The following NDEL1 variants were observed in gnomAD, a reference collection of about 807,000 sequenced individuals.
NDEL1 encodes nudE neurodevelopment protein 1 like 1, also known as nuclear distribution protein nudE-like 1.
NDEL1 carries 9 observed loss-of-function variants against 45.7 expected under a neutral mutation model. The ratio of observed to expected loss-of-function variants is 0.20; its 90% CI spans 0.12 to 0.34. NDEL1 has a LOEUF of 0.34. Among genes scored for constraint, NDEL1 ranks in the 10% least tolerant of loss-of-function variants. NDEL1 has a pLI of 1.00. For missense variants in NDEL1, 306 were observed against 406.2 expected (o/e 0.75, Z 2.12); for synonymous variants, 133 against 158.6 (o/e 0.84, Z 1.21).
chr17:8,425,253 C>T (rs1414111909), intron 1 of NDEL1, among the ~76,000 whole-genome samples: 1 of 152,202 alleles, frequency 6.6e-6, no homozygotes, highest in Non-Finnish European at 1.5e-5. Context: ...TTGCTTGTTT[C>T]TAAAGGGAAG....
intron 1 of NDEL1, among the ~76,000 whole-genome samples, chr17:8,419,283 ATT>A (rs1156389555): frequency 6.6e-6 from 1 of 152,208 alleles, no homozygotes; most frequent in Non-Finnish European, 1.5e-5. Context: ...GCTATAGAAA[ATT>A]TGGAAAATAC....
At chr17:8,429,618 C>T (rs1471070945) in intron 1 of NDEL1, among the ~76,000 whole-genome samples, 2 of 152,038 alleles carry the variant, frequency 1.3e-5, no homozygotes, top group African/African-American at 2.4e-5. Context: ...CAAGATAGGC[C>T]CATAGAGGAA....
chr17:8,424,006 T>G (rs1908762740), intron 1 of NDEL1, among the ~76,000 whole-genome samples: 1 of 152,226 alleles, frequency 6.6e-6, no homozygotes, highest in African/African-American at 2.4e-5. Context: ...GATGCATCCT[T>G]ATTTTTTAAA....
Position 8,450,288 on chromosome 17 carries a change from CA to C in NDEL1, c.527-477del, listed in dbSNP as rs5819194. The stretch of plus-strand genomic sequence containing the variant: ...TGGGCGACAGAGTGAGACTCCGTCT[CA>C]AAAAAAAAAAAAAACGCTCAATATT... On this transcript the variant is annotated intron_variant, in intron 5 of 8. Transcript: ENST00000334527. 6.0e-3 allele frequency among the ~76,000 whole-genome samples: 690 copies of C among 115,668 alleles called. 4 individuals are homozygous for C. Among genetic ancestry groups the C allele is most frequent in the African/African-American group, 0.02 (615 of 30,988 alleles). 75.9% of individuals were successfully genotyped at this position (115,668 alleles called of 152,430 possible). A position where few individuals can be genotyped will look rare whatever the true frequency, so the allele number is the denominator to read the frequency against.
chr17:8,438,954 T>G (rs1392130062), intron 1 of NDEL1, among the ~76,000 whole-genome samples: 1 of 36,856 alleles, frequency 2.7e-5, no homozygotes, highest in African/African-American at 5.1e-5. Flanking sequence ...TTTTTTTTTT[T>G]GAAACGGAGT....
At chr17:8,430,015 G>GGT (rs1231054331) in intron 1 of NDEL1, among the ~76,000 whole-genome samples, 1 of 152,162 alleles carries the variant, frequency 6.6e-6, no homozygotes, top group Non-Finnish European at 1.5e-5. Flanking sequence ...TTTGGGCTTT[G>GGT]GTGACCACAT....
chr17:8,427,595 G>C (rs879782829), intron 1 of NDEL1, among the ~76,000 whole-genome samples: 8 of 152,030 alleles, frequency 5.3e-5, no homozygotes, highest in Non-Finnish European at 1.2e-4. Context: ...CCAGCTACTC[G>C]GGGGCGGGAG....
At chr17:8,440,133 T>C (rs995993732) in intron 1 of NDEL1, among the ~76,000 whole-genome samples, 7 of 152,190 alleles carry the variant, frequency 4.6e-5, no homozygotes, top group African/African-American at 1.2e-4. Context: ...GTTATAATAC[T>C]GTTAGAGGGG....
chr17:8,463,150 C>CT lies in NDEL1; in HGVS notation c.944+2998dup, dbSNP rs201858278. 9.1e-3 allele frequency: 4,792 copies of CT among 528,442 alleles called. 23 individuals are homozygous for CT. The highest frequency in any genetic ancestry group is 0.02 in the Middle Eastern group (38 of 1,930). The allele number at this position is 528,442 out of a possible 1,614,324, so 32.7% of individuals were successfully genotyped here. The stretch of plus-strand genomic sequence containing the variant: ...TCGCTTGGAGTCTCTCAAAAACACT[C>CT]TTTTTTTTCCCATAACTTTATGTAG... On this transcript the variant is annotated intron_variant, in intron 8 of 8. Transcript: ENST00000334527.
At chr17:8,450,998 G>C in intron 6 of NDEL1, 45 bp downstream of exon 6, 1 of 1,537,448 alleles carries the variant, frequency 6.5e-7, no homozygotes, top group South Asian at 1.3e-5. Flanking sequence ...TAGATGATCA[G>C]CTTACGGGGG....
chr17:8,440,988 A>G (rs1023552576), intron 1 of NDEL1, among the ~76,000 whole-genome samples: 1 of 152,248 alleles, frequency 6.6e-6, no homozygotes, highest in African/African-American at 2.4e-5. Flanking sequence ...AACACCTTCA[A>G]ATAAATGTTA....
upstream of NDEL1, among the ~76,000 whole-genome samples, chr17:8,432,367 T>TATATATTATATATAAATATATATATATAA (rs1909036698): frequency 1.7e-5 from 1 of 59,484 alleles, no homozygotes; most frequent in Non-Finnish European, 3.7e-5. Context: ...TAAATATATA[T>TATATATTATATATAAATATATATATATAA]ATATTTAATG....
At chr17:8,419,016 T>G (rs544855164) in intron 1 of NDEL1, among the ~76,000 whole-genome samples, 8 of 151,518 alleles carry the variant, frequency 5.3e-5, no homozygotes, top group African/African-American at 1.9e-4. Flanking sequence ...GCCTGGCTAT[T>G]TTTTTTTATT....
intron 1 of NDEL1, among the ~76,000 whole-genome samples, chr17:8,442,694 T>TG (rs2151712515): frequency 6.6e-6 from 1 of 151,942 alleles, no homozygotes; most frequent in African/African-American, 2.4e-5. Context: ...AAAAGATTTT[T>TG]TTTTTTTTTT....
intron 1 of NDEL1, among the ~76,000 whole-genome samples, chr17:8,417,992 C>T (rs1358649247): frequency 6.6e-6 from 1 of 152,144 alleles, no homozygotes; most frequent in East Asian, 1.9e-4. Flanking sequence ...GTTTTTAGCC[C>T]CACCCTACCT....
intron 8 of NDEL1, chr17:8,463,060 T>C: frequency 3.2e-6 from 1 of 312,792 alleles, no homozygotes; most frequent in Non-Finnish European, 5.9e-6. Flanking sequence ...CCGAGCTGTT[T>C]CCTTCAACCA....
chr17:8,472,238 G>A (rs1286097856), downstream of NDEL1, among the ~76,000 whole-genome samples: 1 of 152,180 alleles, frequency 6.6e-6, no homozygotes, highest in East Asian at 1.9e-4. Context: ...TTGGCCTTAC[G>A]GCTCACAGTT....
Position 8,466,964 on chromosome 17 carries a change from C to G in NDEL1, c.979C>G (p.Pro327Ala), listed in dbSNP as rs754586931. 2.5e-6 allele frequency: 4 copies of G among 1,614,254 alleles called. No homozygotes were observed. Among genetic ancestry groups the G allele is most frequent in the Admixed American group, 1.7e-5 (1 of 60,032 alleles). Residue 327 changes from proline (P) to alanine (A), a missense_variant, in exon 9 of 9, where the codon CCT becomes GCT. Pro to Ala is a conservative substitution (Grantham distance 27). Coordinates refer to ENST00000334527, the MANE Select transcript of NDEL1 (RefSeq NM_030808.5). Reference protein sequence around the residue: ...VNGFDPAPPPPGLGSSRPSSA... With the variant: ...VNGFDPAPPPAGLGSSRPSSA... ...CGGCTTTGACCCCGCTCCTCCTCCT[C>G]CTGGTCTGGGCTCCTCGCGTCCATC...
At chr17:8,466,608 C>T in intron 8 of NDEL1, 1 of 278,256 alleles carries the variant, frequency 3.6e-6, no homozygotes, top group South Asian at 7.2e-5. Flanking sequence ...TTCAGTTGTA[C>T]CATTATTTAT....
Sources: allele counts gnomAD v4.1 joint callset (sites outside exome capture counted in the v4.1 genomes callset), GRCh38; gene constraint gnomAD v4.1.1; transcripts MANE v1.5; gene names NCBI Gene and HGNC (gene_info 2026-07-23, HGNC 2026-07-21).